Variants in RSRC2 observed in about 807,000 individuals in gnomAD.
RSRC2 encodes the protein arginine/serine-rich coiled-coil protein 2.
Under a neutral mutation model 61.3 loss-of-function variants are expected in RSRC2, and 5 were observed. The ratio of observed to expected loss-of-function variants is 0.08; its 90% CI spans 0.04 to 0.17. The LOEUF is 0.17. Among genes scored for constraint, RSRC2 ranks in the 10% least tolerant of loss-of-function variants. The pLI is 1.00. For synonymous variants in RSRC2, 202 were observed against 166.5 expected (o/e 1.21, Z -1.64); for missense variants, 381 against 518.8 (o/e 0.73, Z 2.58).
chr12:122,515,696 A>C (rs566994155), intron 5 of RSRC2, among the ~76,000 whole-genome samples: 1 of 152,178 alleles, frequency 6.6e-6, no homozygotes, highest in Non-Finnish European at 1.5e-5. Context: ...TTAACCACTA[A>C]AAATTAGGTC....
At chr12:122,517,087 CGTTAGGTAATGACTAAA>C in intron 5 of RSRC2, 123 bp downstream of exon 5, 1 of 1,211,874 alleles carries the variant, frequency 8.3e-7, no homozygotes, top group Non-Finnish European at 1.1e-6. Context: ...GTTCTTCATA[CGTTAGGTAATGACTAAA>C]ATAATTTTAC....
At chr12:122,506,755 G>A in intron 9 of RSRC2, 79 bp downstream of exon 9, 1 of 870,240 alleles carries the variant, frequency 1.1e-6, no homozygotes, top group Non-Finnish European at 1.9e-6. Flanking sequence ...GTAAAGACCA[G>A]AACTAAGAAA....
At position 122,504,378 on chromosome 12, in the gene RSRC2, G is replaced by C. The variant is rs1014367124; in HGVS notation, c.*1149C>G. 1 of 151,986 alleles carries C rather than the reference G, an allele frequency of 6.6e-6. No homozygotes were observed. The highest frequency in any genetic ancestry group is 2.1e-4 in the South Asian group (1 of 4,820). The allele number at this position is 151,986 out of a possible 1,614,324, so 9.4% of individuals were successfully genotyped here. On this transcript the variant is annotated 3_prime_UTR_variant, in exon 10 of 10. Transcript: ENST00000331738. ...TGCAGTGGCTCACGCCTATAATCCC[G>C]GCACTTTGGGAGGCTGAGGAGGGTG... is the stretch of plus-strand genomic sequence containing the variant.
chr12:122,521,460 A>ATTTGTTT (rs754942667), intron 2 of RSRC2, 32 bp from the exon 3 acceptor site: 3 of 1,584,590 alleles, frequency 1.9e-6, no homozygotes, highest in African/African-American at 1.3e-5. Context: ...AATCACCATA[A>ATTTGTTT]ACAAAGTTGG....
chr12:122,515,018 C>T lies in RSRC2; in HGVS notation c.725+87G>A. The T allele has an allele frequency of 2.1e-6, 3 of 1,397,242 alleles. No individual in the cohort carries two copies. In the South Asian group the frequency reaches 3.8e-5, roughly 18 times the overall value. The allele number at this position is 1,397,242 out of a possible 1,614,324, so 86.6% of individuals were successfully genotyped here. ...ATATTACTAAAGTATGTGAATCATT[C>T]TCTTACTGAAAGAATTCATCTTATC... On this transcript the variant is annotated intron_variant, in intron 6 of 9. Coordinates refer to ENST00000331738, the MANE Select transcript of RSRC2 (RefSeq NM_023012.6).
Position 122,526,917 on chromosome 12 carries a change from C to A in RSRC2, c.-64G>T. 1.2e-6 allele frequency: 2 copies of A among 1,601,430 alleles called. No homozygotes were observed. The highest frequency in any genetic ancestry group is 1.7e-6 in the Non-Finnish European group (2 of 1,168,730). On this transcript the variant is annotated 5_prime_UTR_variant, in exon 1 of 10. Coordinates refer to ENST00000331738, the MANE Select transcript of RSRC2 (RefSeq NM_023012.6). ...GTCGCTTTCAACAGTACCGGCCGCT[C>A]CGAAGCTTCGCCTCAGACTAAATCG...
chr12:122,506,992 C>A, intron 8 of RSRC2, 69 bp from the exon 9 acceptor site: 3 of 820,510 alleles, frequency 3.7e-6, no homozygotes, highest in South Asian at 1.5e-5. Context: ...AATCTCTCAA[C>A]AATGTCTAAA....
intron 6 of RSRC2, among the ~76,000 whole-genome samples, chr12:122,513,225 AAAT>A (rs1958655271): frequency 6.3e-5 from 6 of 95,498 alleles, no homozygotes; most frequent in African/African-American, 2.2e-4. Flanking sequence ...ATAAATAAAT[AAAT>A]AAATAAATAA....
At chr12:122,506,030 C>T (rs1483077687) in intron 9 of RSRC2, among the ~76,000 whole-genome samples, 2 of 152,092 alleles carry the variant, frequency 1.3e-5, no homozygotes, top group East Asian at 2.0e-4. Context: ...CCCCCTGCCG[C>T]CTGCCCCCCG....
chr12:122,524,951 A>T (rs12816396), intron 1 of RSRC2, among the ~76,000 whole-genome samples: 31,189 of 152,130 alleles, frequency 0.21, 3,883 homozygotes, highest in African/African-American at 0.34. Flanking sequence ...ACGGCTCGAA[A>T]CATAGACAAA....
chr12:122,505,513 A>T lies in RSRC2; in HGVS notation c.*14T>A. 1 of 1,611,228 alleles carries T rather than the reference A, an allele frequency of 6.2e-7. No homozygotes were observed. The highest frequency in any genetic ancestry group is 1.1e-5 in the South Asian group (1 of 90,758). ...GAAGTCTATAAGTCCCAAACTTTAC[A>T]AGTGTGATCATTTTCAAACTGCATC... is the stretch of plus-strand genomic sequence containing the variant. On this transcript the variant is annotated 3_prime_UTR_variant, in exon 10 of 10. Coordinates refer to ENST00000331738, the MANE Select transcript of RSRC2 (RefSeq NM_023012.6).
rs1960588431 is a variant in RSRC2, at chr12:122,526,780, G to A, written c.6+68C>T. 11 of 1,567,228 alleles carry A rather than the reference G, an allele frequency of 7.0e-6. No individual in the cohort carries two copies. The East Asian group carries it at 2.0e-4, about 29-fold the overall frequency. ...CATACACACGAACAAGGTTCTGGGA[G>A]CCGTTCACCCACTGTTGGAACGTAG... On this transcript the variant is annotated intron_variant, in intron 1 of 9. Coordinates refer to ENST00000331738, the MANE Select transcript of RSRC2 (RefSeq NM_023012.6).
chr12:122,510,585 C>T (rs953938060), intron 7 of RSRC2, among the ~76,000 whole-genome samples: 1 of 152,156 alleles, frequency 6.6e-6, no homozygotes, highest in East Asian at 1.9e-4. Flanking sequence ...ATACTCATTA[C>T]TAATTTATCA....
intron 1 of RSRC2, 25 bp from the exon 2 acceptor site, chr12:122,522,324 A>T (rs367554313): frequency 2.6e-6 from 4 of 1,563,424 alleles, no homozygotes; most frequent in Non-Finnish European, 3.4e-6. Flanking sequence ...ACAAATGATT[A>T]AAGTTCTTAA....
At chr12:122,520,272 T>C (rs1959178261) in intron 3 of RSRC2, 1 of 259,942 alleles carries the variant, frequency 3.8e-6, no homozygotes, top group Admixed American at 5.1e-5. Flanking sequence ...AATTAAATTT[T>C]AGTTTCATTG....
In RSRC2 at chr12:122,508,324, G is replaced by A. The variant is rs1958260424; in HGVS notation, c.929C>T (p.Thr310Ile). Residue 310 changes from threonine (T) to isoleucine (I), a missense_variant, in exon 8 of 10, where the codon ACA becomes ATA. By Grantham distance (89) the Thr-to-Ile change is moderately conservative. This residue lies in a region of RSRC2 where 78 missense variants were observed against 183.0 expected (regional missense o/e 0.43). Coordinates refer to ENST00000331738, the MANE Select transcript of RSRC2 (RefSeq NM_023012.6). The stretch of plus-strand genomic sequence containing the variant: ...ATAGTAGCTAGGAACAGCTATTCCT[G>A]TCTCTGCCAAAGCTTTAGCTTGCAG... ...AALQAKALAE[T>I]GIAVPSYYNP... is the part of the protein sequence containing the mutation. 2 of 1,613,992 alleles carry A rather than the reference G, an allele frequency of 1.2e-6. No homozygotes were observed. The highest frequency in any genetic ancestry group is 1.7e-6 in the Non-Finnish European group (2 of 1,180,036).
At position 122,522,133 on chromosome 12, in the gene RSRC2, G is replaced by T; in HGVS notation, c.163+10C>A. On this transcript the variant is annotated intron_variant, in intron 2 of 9. Coordinates refer to ENST00000331738, the MANE Select transcript of RSRC2 (RefSeq NM_023012.6). ...TGCTGAGAGTTGTAACCACCTTTAAGAATTCATACCTGACTTTCGTTTTCT... is the reference window on the plus strand; with the variant it reads ...TGCTGAGAGTTGTAACCACCTTTAATAATTCATACCTGACTTTCGTTTTCT... The T allele has an allele frequency of 6.2e-7, 1 of 1,606,554 alleles. No individual in the cohort carries two copies. Among genetic ancestry groups the T allele is most frequent in the Middle Eastern group, 1.8e-4 (1 of 5,672 alleles).
At chr12:122,508,925 C>T (rs889343632) in intron 7 of RSRC2, among the ~76,000 whole-genome samples, 2 of 151,858 alleles carry the variant, frequency 1.3e-5, no homozygotes, top group African/African-American at 4.8e-5. Flanking sequence ...CACTGCACTC[C>T]AGCCTGGGCA....
chr12:122,525,412 T>C (rs931631984), intron 1 of RSRC2, among the ~76,000 whole-genome samples: 3 of 151,772 alleles, frequency 2.0e-5, no homozygotes, highest in Non-Finnish European at 4.4e-5. Context: ...CCAAGAAAAA[T>C]AGTATTACTC....
Sources: gnomAD v4.1 joint callset for allele counts (sites outside exome capture counted in the v4.1 genomes callset) on GRCh38, gnomAD v4.1.1 for gene constraint, gnomAD v4.1.1 regional missense constraint, MANE v1.5 for transcripts, NCBI Gene and HGNC (gene_info 2026-07-23, HGNC 2026-07-21) for gene names.